Variants in FSHR observed in about 807,000 individuals in gnomAD.
FSHR encodes follicle-stimulating hormone receptor.
A neutral mutation model predicts 52.1 loss-of-function variants in FSHR; 46 were observed. That is an observed-to-expected ratio of 0.88 (90% CI 0.70 to 1.13). The LOEUF (loss-of-function observed/expected upper bound fraction) is 1.13, where lower values mean the gene tolerates loss of function less well. Ranked by LOEUF, FSHR falls within the 50% of genes most tolerant of loss-of-function variation. The pLI is 0.00. For missense variants in FSHR, 964 were observed against 834.6 expected (o/e 1.16, Z -1.91); for synonymous variants, 399 against 309.6 (o/e 1.29, Z -3.03).
intron 1 of FSHR, among the ~76,000 whole-genome samples, chr2:49,078,213 A>G (rs984554398): frequency 1.3e-5 from 2 of 152,212 alleles, no homozygotes; most frequent in Non-Finnish European, 2.9e-5. Context: ...GAAAGCAAGG[A>G]GGAGCAAGTC....
intron 1 of FSHR, among the ~76,000 whole-genome samples, chr2:49,101,491 G>A (rs1448957925): frequency 6.6e-6 from 1 of 152,010 alleles, no homozygotes; most frequent in Non-Finnish European, 1.5e-5. Context: ...CTAATGATAA[G>A]AAAGCAGAAA....
At chr2:49,082,425 A>G (rs1442892961) in intron 1 of FSHR, among the ~76,000 whole-genome samples, 12 of 152,220 alleles carry the variant, frequency 7.9e-5, no homozygotes, top group African/African-American at 1.4e-4. Context: ...TGGAAACTCT[A>G]AAAAGCAGAG....
chr2:49,026,837 A>G (rs1667927435), intron 2 of FSHR, among the ~76,000 whole-genome samples: 1 of 152,108 alleles, frequency 6.6e-6, no homozygotes, highest in Non-Finnish European at 1.5e-5. Context: ...GTGTCCCTCA[A>G]GCTTTTCCTG....
chr2:49,036,879 A>C (rs1668290273), intron 2 of FSHR, among the ~76,000 whole-genome samples: 1 of 152,232 alleles, frequency 6.6e-6, no homozygotes, highest in African/African-American at 2.4e-5. Flanking sequence ...AATATGTCAA[A>C]CATTTAAAAA....
At chr2:49,108,650 G>A (rs571003249) in intron 1 of FSHR, among the ~76,000 whole-genome samples, 31 of 152,244 alleles carry the variant, frequency 2.0e-4, no homozygotes, top group African/African-American at 6.7e-4. Flanking sequence ...AAAAATGGAA[G>A]CAAAGCAGAA....
At chr2:48,975,647 C>A (rs1465522463) in intron 8 of FSHR, among the ~76,000 whole-genome samples, 3 of 152,126 alleles carry the variant, frequency 2.0e-5, no homozygotes, top group African/African-American at 7.2e-5. Context: ...GAAATCTCCT[C>A]TTCTCTTATT....
intron 1 of FSHR, among the ~76,000 whole-genome samples, chr2:49,085,515 C>G (rs944613114): frequency 7.9e-5 from 12 of 152,148 alleles, no homozygotes; most frequent in African/African-American, 2.9e-4. Context: ...CAGAGCTTTA[C>G]TTCCAACTAT....
chr2:49,047,691 C>T (rs115388727), intron 2 of FSHR, among the ~76,000 whole-genome samples: 1,574 of 152,304 alleles, frequency 0.01, 9 homozygotes, highest in Middle Eastern at 0.017. Flanking sequence ...TTTACAAATT[C>T]CTTAGACTTT....
chr2:49,122,913 G>C (rs1444060022), intron 1 of FSHR, among the ~76,000 whole-genome samples: 1 of 152,054 alleles, frequency 6.6e-6, no homozygotes, highest in African/African-American at 2.4e-5. Context: ...GTGTCTTATG[G>C]TTATGAAGAT....
intron 1 of FSHR, among the ~76,000 whole-genome samples, chr2:49,070,233 T>C (rs1165780218): frequency 1.3e-5 from 2 of 152,142 alleles, no homozygotes; most frequent in African/African-American, 4.8e-5. Flanking sequence ...ACAGAAATAT[T>C]GTCAAGAGTA....
At chr2:49,111,107 G>A (rs181804296) in intron 1 of FSHR, among the ~76,000 whole-genome samples, 101 of 152,272 alleles carry the variant, frequency 6.6e-4, no homozygotes, top group Non-Finnish European at 1.2e-3. Context: ...GTCTGGATTA[G>A]TTCAGTTGTC....
intron 1 of FSHR, among the ~76,000 whole-genome samples, chr2:49,077,703 C>G (rs745750274): frequency 6.6e-6 from 1 of 152,188 alleles, no homozygotes; most frequent in Non-Finnish European, 1.5e-5. Context: ...CAAGTCAAGT[C>G]TTGAGTGCTT....
chr2:49,004,134 C>A (rs1667000817), intron 4 of FSHR, among the ~76,000 whole-genome samples: 1 of 152,160 alleles, frequency 6.6e-6, no homozygotes, highest in Non-Finnish European at 1.5e-5. Context: ...ATTTCTCCTT[C>A]CCAGGCCAGC....
At chr2:49,064,758 TAA>T (rs1669442065) in intron 2 of FSHR, among the ~76,000 whole-genome samples, 1 of 152,126 alleles carries the variant, frequency 6.6e-6, no homozygotes, top group Admixed American at 6.6e-5. Flanking sequence ...CTTTAATGAA[TAA>T]CCAAGGGATC....
chr2:48,983,387 C>G (rs780813554), intron 6 of FSHR, among the ~76,000 whole-genome samples: 1 of 152,120 alleles, frequency 6.6e-6, no homozygotes, highest in African/African-American at 2.4e-5. Context: ...ATTACCTATT[C>G]AAAGGATTAA....
At chr2:49,132,480 T>A (rs1255898849) in intron 1 of FSHR, among the ~76,000 whole-genome samples, 1 of 152,170 alleles carries the variant, frequency 6.6e-6, no homozygotes, top group Non-Finnish European at 1.5e-5. Flanking sequence ...AAGAAACTGT[T>A]ATGTCTGCCA....
chr2:49,030,493 A>G (rs1319814269), intron 2 of FSHR, among the ~76,000 whole-genome samples: 1 of 151,958 alleles, frequency 6.6e-6, no homozygotes, highest in African/African-American at 2.4e-5. Flanking sequence ...TAATTACTCT[A>G]TTTTTTATGC....
chr2:48,989,116 A>C, intron 5 of FSHR, 62 bp from the exon 6 acceptor site: 1 of 1,350,062 alleles, frequency 7.4e-7, no homozygotes, highest in Non-Finnish European at 1.1e-6. Flanking sequence ...ACCTTCCAAA[A>C]TTTAGTTTAA....
chr2:48,992,873 C>T (rs1675849554), intron 4 of FSHR, among the ~76,000 whole-genome samples: 1 of 152,138 alleles, frequency 6.6e-6, no homozygotes, highest in Non-Finnish European at 1.5e-5. Context: ...ATTTTCATCC[C>T]ATAACTCATA....
Sources: gnomAD v4.1 joint callset for allele counts (sites outside exome capture counted in the v4.1 genomes callset) on GRCh38, gnomAD v4.1.1 for gene constraint, MANE v1.5 for transcripts, NCBI Gene and HGNC (gene_info 2026-07-23, HGNC 2026-07-21) for gene names.